Variants in PLCB4 observed in about 807,000 individuals in gnomAD.
PLCB4 encodes the protein phospholipase C beta 4, also known as 1-phosphatidylinositol 4,5-bisphosphate phosphodiesterase beta-4.
A neutral mutation model predicts 178.8 loss-of-function variants in PLCB4; 77 were observed. The observed-to-expected ratio is 0.43, with a 90% CI of 0.36 to 0.52. The LOEUF is 0.52. Among genes scored for constraint, PLCB4 ranks in the 20% least tolerant of loss-of-function variants. PLCB4 has a pLI of 0.00. For synonymous variants in PLCB4, 496 were observed against 490.8 expected, an observed-to-expected ratio of 1.01 and a Z score of -0.14; for missense variants, 1,024 against 1,453.4, an observed-to-expected ratio of 0.70 and a Z score of 4.80.
chr20:9,236,746 G>A (rs2093997818), intron 3 of PLCB4, among the ~76,000 whole-genome samples: 1 of 152,118 alleles, frequency 6.6e-6, no homozygotes, highest in Non-Finnish European at 1.5e-5. Flanking sequence ...GAGTTTCTAT[G>A]GAAACTAACA....
chr20:9,243,278 T>C (rs960801780), intron 3 of PLCB4, among the ~76,000 whole-genome samples: 3 of 152,056 alleles, frequency 2.0e-5, no homozygotes, highest in Non-Finnish European at 4.4e-5. Flanking sequence ...ACAGCACTGG[T>C]GGGATTAATA....
rs930714270 is a variant in PLCB4, at chr20:9,294,732, A to G, written c.-15-13068A>G. On this transcript the variant is annotated intron_variant, in intron 3 of 39. Transcript: ENST00000378473. ...ATTGCAATCACCTGGCTAGCTGGAT[A>G]CACCGTGGATTCCTGGACCCCACCA... Among the ~76,000 whole-genome samples the G allele has an allele frequency of 6.2e-4, 95 of 152,072 alleles. 1 individual carries two copies. The highest frequency in any genetic ancestry group is 2.1e-3 in the African/African-American group (86 of 41,408).
chr20:9,421,634 G>GC (rs11087844), intron 27 of PLCB4, among the ~76,000 whole-genome samples, 173 bp downstream of exon 27: 152,276 of 152,276 alleles, frequency 1, 76,138 homozygotes, highest in Non-Finnish European at 1. Context: ...ATTTGGCCCT[G>GC]CCTCCTTTTG....
At chr20:9,200,542 T>C (rs922466415) in intron 2 of PLCB4, among the ~76,000 whole-genome samples, 4 of 152,196 alleles carry the variant, frequency 2.6e-5, no homozygotes, top group Non-Finnish European at 5.9e-5. Flanking sequence ...TCTGATTGCT[T>C]CCCATTTAAT....
intron 3 of PLCB4, among the ~76,000 whole-genome samples, chr20:9,294,663 G>A (rs953044687): frequency 3.3e-5 from 5 of 151,540 alleles, no homozygotes; most frequent in African/African-American, 1.2e-4. Context: ...TTTCCTTTTT[G>A]CTGGAGACTT....
chr20:9,337,591 A>G (rs2148062276), intron 5 of PLCB4, among the ~76,000 whole-genome samples: 1 of 152,302 alleles, frequency 6.6e-6, no homozygotes, highest in South Asian at 2.1e-4. Flanking sequence ...CTGGGACTTA[A>G]TTCGATGTAT....
chr20:9,233,769 A>G (rs1287575868), intron 3 of PLCB4, among the ~76,000 whole-genome samples: 1 of 152,158 alleles, frequency 6.6e-6, no homozygotes, highest in Non-Finnish European at 1.5e-5. Flanking sequence ...AGAGGGGTAG[A>G]CAGCAGTTAG....
chr20:9,253,307 G>A (rs1448447145), intron 3 of PLCB4, among the ~76,000 whole-genome samples: 2 of 152,112 alleles, frequency 1.3e-5, no homozygotes, highest in Non-Finnish European at 2.9e-5. Context: ...CTTGGTCTTT[G>A]TCCATTCACT....
chr20:9,087,163 T>C (rs2090467527), intron 1 of PLCB4, among the ~76,000 whole-genome samples: 1 of 152,236 alleles, frequency 6.6e-6, no homozygotes, highest in Non-Finnish European at 1.5e-5. Context: ...GTTTAGTCCA[T>C]TTACATTTAA....
intron 32 of PLCB4, among the ~76,000 whole-genome samples, chr20:9,448,079 T>C (rs1345197043): frequency 6.6e-6 from 1 of 152,198 alleles, no homozygotes; most frequent in Non-Finnish European, 1.5e-5. Flanking sequence ...ACTCCTCTCC[T>C]CTGCATGCTA....
intron 2 of PLCB4, among the ~76,000 whole-genome samples, chr20:9,191,313 C>CTTA (rs1418588169): frequency 1.4e-5 from 2 of 145,454 alleles, no homozygotes; most frequent in African/African-American, 5.2e-5. Flanking sequence ...GACTAGTGAC[C>CTTA]TTATAAAAGG....
intron 38 of PLCB4, among the ~76,000 whole-genome samples, chr20:9,474,880 GT>G (rs1412178077): frequency 6.6e-6 from 1 of 152,068 alleles, no homozygotes; most frequent in African/African-American, 2.4e-5. Context: ...ACAATACATG[GT>G]TATTGTCCCA....
chr20:9,201,626 G>C (rs1444268045), intron 2 of PLCB4, among the ~76,000 whole-genome samples: 1 of 151,984 alleles, frequency 6.6e-6, no homozygotes, highest in African/African-American at 2.4e-5. Flanking sequence ...AGAAATACAT[G>C]GTACTCTAAC....
At chr20:9,208,345 G>A (rs1055528611) in intron 2 of PLCB4, among the ~76,000 whole-genome samples, 3 of 152,138 alleles carry the variant, frequency 2.0e-5, no homozygotes, top group African/African-American at 4.8e-5. Flanking sequence ...AACACTGAGA[G>A]TGGTACCTGG....
chr20:9,160,413 GGCACTCA>G (rs2092867764), intron 2 of PLCB4, among the ~76,000 whole-genome samples: 1 of 152,128 alleles, frequency 6.6e-6, no homozygotes, highest in Admixed American at 6.6e-5. Context: ...GAGCATGGTG[GGCACTCA>G]GTAGATACGT....
chr20:9,271,695 A>T (rs2094404335), intron 3 of PLCB4, among the ~76,000 whole-genome samples: 1 of 152,100 alleles, frequency 6.6e-6, no homozygotes, highest in African/African-American at 2.4e-5. Context: ...GATCAATGAG[A>T]TGGCTTATTA....
intron 2 of PLCB4, among the ~76,000 whole-genome samples, chr20:9,100,071 T>A (rs1217608101): frequency 6.6e-6 from 1 of 152,142 alleles, no homozygotes; most frequent in Non-Finnish European, 1.5e-5. Context: ...GTAGGCACAC[T>A]CATGGGACTT....
In PLCB4 at chr20:9,409,059, A is replaced by G; in HGVS notation, c.1877A>G (p.Tyr626Cys). The G allele has an allele frequency of 6.2e-7, 1 of 1,610,260 alleles. No individual in the cohort carries two copies. Among genetic ancestry groups the G allele is most frequent in the Non-Finnish European group, 8.5e-7 (1 of 1,179,142 alleles). ...CTGTTTTCCTTAATAAGTTACAGTT[A>G]TAACAAACGGCAAATGAGTCGCATT... is the stretch of plus-strand genomic sequence containing the variant. ...LKTHAIEFVN[Y>C]NKRQMSRIYP... Residue 626 changes from tyrosine (Y) to cysteine (C), a missense_variant and splice_region_variant, in exon 24 of 40, where the codon TAT becomes TGT. Tyr to Cys is a radical substitution (Grantham distance 194). Coordinates refer to ENST00000378473, the MANE Select transcript of PLCB4 (RefSeq NM_001377142.1).
chr20:9,437,185 G>T (rs377142971), intron 30 of PLCB4, 33 bp downstream of exon 30: 1 of 1,591,302 alleles, frequency 6.3e-7, no homozygotes, highest in African/African-American at 1.4e-5. Context: ...CTTATCTTCT[G>T]CACCCACCTT....
Sources: gnomAD v4.1 joint callset for allele counts (sites outside exome capture counted in the v4.1 genomes callset) on GRCh38, gnomAD v4.1.1 for gene constraint, MANE v1.5 for transcripts, NCBI Gene and HGNC (gene_info 2026-07-23, HGNC 2026-07-21) for gene names.